The following SHC4 variants were observed in gnomAD, a reference collection of about 807,000 sequenced individuals.
SHC4 encodes the protein SHC adaptor protein 4, also known as SHC-transforming protein 4.
In SHC4, 41 loss-of-function variants were observed where a neutral mutation model predicts 69.4. The ratio of observed to expected loss-of-function variants is 0.59; its 90% CI spans 0.46 to 0.77. SHC4 has a LOEUF of 0.77. SHC4 is among the 30% of genes least tolerant of loss of function. The probability of loss-of-function intolerance (pLI) is 0.00; values close to 1 mark genes in which losing one functional copy is unlikely to be tolerated. For synonymous variants in SHC4, 318 were observed against 299.3 expected (o/e 1.06, Z -0.64); for missense variants, 777 against 783.8 (o/e 0.99, Z 0.10).
At position 48,906,875 on chromosome 15, in the gene SHC4, ATCTT is replaced by A. The variant is rs151268220; in HGVS notation, c.657-16068_657-16065del. On this transcript the variant is annotated intron_variant, in intron 2 of 11. Transcript: ENST00000332408. ...AGATGAACTGAAAATTATTCCCTCT[ATCTT>A]AAGGCTCAAATCAAAGCAATTACTG... 7.2e-3 allele frequency among the ~76,000 whole-genome samples: 1,098 copies of A among 152,288 alleles called. 16 individuals are homozygous for A. The highest frequency in any genetic ancestry group is 0.026 in the African/African-American group (1,061 of 41,566).
chr15:48,880,365 TAGCGTGC>T (rs1339464368), intron 4 of SHC4, among the ~76,000 whole-genome samples: 3 of 152,168 alleles, frequency 2.0e-5, no homozygotes, highest in Non-Finnish European at 4.4e-5. Flanking sequence ...CTTTCTCAAT[TAGCGTGC>T]AGCTACGGTC....
intron 8 of SHC4, among the ~76,000 whole-genome samples, chr15:48,853,644 T>TA (rs1469459875): frequency 6.6e-6 from 1 of 152,024 alleles, no homozygotes; most frequent in Non-Finnish European, 1.5e-5. Context: ...ATCACAAACA[T>TA]AGACTAATGG....
At chr15:48,927,258 G>T (rs1221457430) in intron 1 of SHC4, among the ~76,000 whole-genome samples, 1 of 152,148 alleles carries the variant, frequency 6.6e-6, no homozygotes, top group East Asian at 1.9e-4. Flanking sequence ...CCACCCCAGA[G>T]CCTAGGTCTT....
At chr15:48,898,742 C>T (rs1171572015) in intron 2 of SHC4, among the ~76,000 whole-genome samples, 1 of 152,040 alleles carries the variant, frequency 6.6e-6, no homozygotes, top group Non-Finnish European at 1.5e-5. Context: ...TTTTCCTGTC[C>T]CCACAGAGAT....
chr15:48,927,336 C>T (rs1189956304), intron 1 of SHC4, among the ~76,000 whole-genome samples: 1 of 152,170 alleles, frequency 6.6e-6, no homozygotes, highest in Non-Finnish European at 1.5e-5. Context: ...GAGAGCAGGC[C>T]TGGATCCCCT....
chr15:48,877,546 A>G, intron 4 of SHC4: 1 of 985,350 alleles, frequency 1.0e-6, no homozygotes, highest in Non-Finnish European at 1.2e-6. Context: ...ATGCAAATAA[A>G]AAGAATTCAA....
chr15:48,902,815 T>C (rs2141012349), intron 2 of SHC4, among the ~76,000 whole-genome samples: 1 of 152,312 alleles, frequency 6.6e-6, no homozygotes, highest in African/African-American at 2.4e-5. Context: ...CAGGCCCTGC[T>C]TCCCTTACTC....
chr15:48,927,479 C>T (rs1900875068), intron 1 of SHC4, among the ~76,000 whole-genome samples: 1 of 152,212 alleles, frequency 6.6e-6, no homozygotes, highest in African/African-American at 2.4e-5. Flanking sequence ...TGACCAAGCA[C>T]CTACATTTTT....
At chr15:48,899,914 G>A (rs1900291610) in intron 2 of SHC4, among the ~76,000 whole-genome samples, 1 of 152,202 alleles carries the variant, frequency 6.6e-6, no homozygotes, top group African/African-American at 2.4e-5. Flanking sequence ...AACCTTCCAA[G>A]TGATTCTGAC....
chr15:48,902,708 G>C (rs188558703), intron 2 of SHC4, among the ~76,000 whole-genome samples: 1 of 152,064 alleles, frequency 6.6e-6, no homozygotes, highest in African/African-American at 2.4e-5. Flanking sequence ...CCTGGTCCCC[G>C]TACCTCAATA....
rs771439056 is a variant in SHC4, at chr15:48,834,849, T to A, written c.1657A>T (p.Thr553Ser). ...CTCAGCACATATTGGCCAGGGGATGTTGCACTCTCTCGAACCAAAAAGTCC... is the reference window on the plus strand; with the variant it reads ...CTCAGCACATATTGGCCAGGGGATGATGCACTCTCTCGAACCAAAAAGTCC... ...DGDFLVRESA[T>S]SPGQYVLSGL... Residue 553 changes from threonine to serine, a missense_variant, in exon 11 of 12, where the codon ACA (threonine) becomes TCA (serine). Physicochemically the swap from Thr to Ser is moderately conservative, Grantham distance 58 (BLOSUM62 1). Coordinates refer to ENST00000332408, the MANE Select transcript of SHC4 (RefSeq NM_203349.4). The A allele has an allele frequency of 2.5e-6, 4 of 1,614,176 alleles. No homozygotes were observed. The South Asian group carries it at 4.4e-5, about 18-fold the overall frequency.
intron 10 of SHC4, among the ~76,000 whole-genome samples, chr15:48,838,917 G>A (rs1007267089): frequency 2.6e-4 from 40 of 151,958 alleles, no homozygotes; most frequent in Middle Eastern, 3.4e-3. Flanking sequence ...ATAAAACTAT[G>A]AAGCCAATAT....
At chr15:48,931,511 C>CT (rs1353345658) in intron 1 of SHC4, among the ~76,000 whole-genome samples, 3 of 151,994 alleles carry the variant, frequency 2.0e-5, no homozygotes, top group Admixed American at 6.6e-5. Flanking sequence ...TCAACTCTTA[C>CT]TTTTTTTTCA....
intron 4 of SHC4, 76 bp downstream of exon 4, chr15:48,884,172 T>C (rs1899992758): frequency 1.4e-6 from 2 of 1,459,922 alleles, no homozygotes; most frequent in Non-Finnish European, 1.8e-6. Context: ...TGTCTAAAAC[T>C]TTATTCTTTT....
intron 1 of SHC4, among the ~76,000 whole-genome samples, chr15:48,926,926 C>G (rs1900863977): frequency 6.6e-6 from 1 of 152,066 alleles, no homozygotes; most frequent in Admixed American, 6.6e-5. Flanking sequence ...CTTGGGATCT[C>G]TAGTACTGAA....
chr15:48,837,109 G>A (rs559783688), intron 10 of SHC4, among the ~76,000 whole-genome samples: 14 of 152,304 alleles, frequency 9.2e-5, no homozygotes, highest in South Asian at 2.1e-4. Flanking sequence ...GTCTTAATGC[G>A]TGATGGCTTT....
At chr15:48,839,716 C>CA (rs1236492168) in intron 10 of SHC4, among the ~76,000 whole-genome samples, 1 of 152,196 alleles carries the variant, frequency 6.6e-6, no homozygotes, top group Non-Finnish European at 1.5e-5. Flanking sequence ...GGGTGGCAGA[C>CA]AACTTGGCAG....
intron 1 of SHC4, among the ~76,000 whole-genome samples, chr15:48,948,855 G>A (rs945206742): frequency 6.6e-5 from 10 of 151,792 alleles, no homozygotes; most frequent in Admixed American, 5.9e-4. Flanking sequence ...GCAGTGAGCC[G>A]TGATTGCACC....
At chr15:48,942,310 T>C (rs1217100592) in intron 1 of SHC4, among the ~76,000 whole-genome samples, 7 of 152,174 alleles carry the variant, frequency 4.6e-5, no homozygotes, top group African/African-American at 9.7e-5. Context: ...TAAGCAAGCA[T>C]AGAAATTTGC....
Sources: allele counts gnomAD v4.1 joint callset (sites outside exome capture counted in the v4.1 genomes callset), GRCh38; gene constraint gnomAD v4.1.1; transcripts MANE v1.5; gene names NCBI Gene and HGNC (gene_info 2026-07-23, HGNC 2026-07-21).